Variants in KDM4C observed in about 807,000 individuals in gnomAD.
KDM4C encodes the protein lysine-specific demethylase 4C.
A neutral mutation model predicts 129.3 loss-of-function variants in KDM4C; 81 were observed. The observed-to-expected ratio is 0.63, with a 90% CI of 0.52 to 0.75. The LOEUF is 0.75. Ranked by LOEUF, KDM4C falls within the 30% of genes least tolerant of loss-of-function variation. The pLI is 0.00. For missense variants in KDM4C, 1,457 were observed against 1,304.0 expected (o/e 1.12, Z -1.81); for synonymous variants, 573 against 456.1 (o/e 1.26, Z -3.26).
At chr9:7,034,859 A>G (rs1827361790) in intron 15 of KDM4C, among the ~76,000 whole-genome samples, 1 of 152,212 alleles carries the variant, frequency 6.6e-6, no homozygotes, top group South Asian at 2.1e-4. Context: ...TCATTTAATA[A>G]TACACATTCT....
At chr9:7,086,639 T>C (rs1248072237) in intron 17 of KDM4C, among the ~76,000 whole-genome samples, 1 of 152,314 alleles carries the variant, frequency 6.6e-6, no homozygotes, top group South Asian at 2.1e-4. Context: ...GAGTGTGTTC[T>C]CTGGCCTTTG....
In KDM4C at chr9:6,758,348, C is replaced by G. The variant is rs537036914; in HGVS notation, c.-18+145C>G. On this transcript the variant is annotated intron_variant, in intron 1 of 21. Transcript: ENST00000381309. The surrounding 1 kb of genome is among the most constrained non-coding windows in gnomAD (Gnocchi z 4.6). ...TGGGGCAGAGACGCTCCGTCCGTGA[C>G]TGCAGCGACTGTCAAGCTGGGGAGG... The G allele has an allele frequency of 1.1e-5, 4 of 375,374 alleles. No homozygotes were observed. The East Asian group carries it at 4.9e-4, about 46-fold the overall frequency. The allele number at this position is 375,374 out of a possible 1,614,324, so 23.3% of individuals were successfully genotyped here. A position where few individuals can be genotyped will look rare whatever the true frequency, so the allele number is the denominator to read the frequency against.
At chr9:6,742,750 C>T (rs1035858461) in intron 1 of KDM4C, among the ~76,000 whole-genome samples, 3 of 151,242 alleles carry the variant, frequency 2.0e-5, no homozygotes, top group Non-Finnish European at 4.4e-5. Context: ...ATCTAAGAAT[C>T]GCTTGAACCC....
chr9:6,873,943 AGAG>A (rs1843179495), intron 5 of KDM4C, among the ~76,000 whole-genome samples: 3 of 126,250 alleles, frequency 2.4e-5, no homozygotes, highest in African/African-American at 1.1e-4. Context: ...AGAGAGAGCG[AGAG>A]AGAGAGAGAG....
chr9:6,734,300 T>G (rs1319092774), intron 1 of KDM4C, among the ~76,000 whole-genome samples: 1 of 146,724 alleles, frequency 6.8e-6, no homozygotes, highest in Non-Finnish European at 1.5e-5. Context: ...TTTTTTTTTT[T>G]TTTTTTTTTT....
chr9:6,774,641 G>A (rs1489810691), intron 1 of KDM4C, among the ~76,000 whole-genome samples: 3 of 152,070 alleles, frequency 2.0e-5, no homozygotes, highest in Admixed American at 1.3e-4. Flanking sequence ...CTCCAGCATG[G>A]GTGACAGAGT....
rs1298004930 is a variant in KDM4C, at chr9:7,011,894, TATCATAGTTCCCTTCACTGC to T, written c.1968+16_1968+35del. Reference sequence around the variant, plus strand: ...CGTACCACAAGGTAAAGGAGCCTGCTATCATAGTTCCCTTCACTGCTCTGCCTTCCATGTGACCACATACC... The same window carrying T: ...CGTACCACAAGGTAAAGGAGCCTGCTTCTGCCTTCCATGTGACCACATACC... On this transcript the variant is annotated intron_variant, in intron 13 of 21. Transcript: ENST00000381309. 17 of 1,607,142 alleles carry T rather than the reference TATCATAGTTCCCTTCACTGC, an allele frequency of 1.1e-5. No homozygotes were observed. In the African/African-American group the frequency reaches 2.3e-4, roughly 21 times the overall value.
chr9:6,813,015 A>C (rs1222100240), intron 3 of KDM4C, among the ~76,000 whole-genome samples: 8 of 152,076 alleles, frequency 5.3e-5, no homozygotes, highest in African/African-American at 1.9e-4. Flanking sequence ...GTCTCTACTA[A>C]AAATACAAAA....
At chr9:6,784,621 A>G (rs1825081990) in intron 1 of KDM4C, among the ~76,000 whole-genome samples, 3 of 152,236 alleles carry the variant, frequency 2.0e-5, no homozygotes, top group African/African-American at 2.4e-5. Flanking sequence ...TATCTCCTTG[A>G]GTCTGCTCTT....
At chr9:6,937,141 T>A (rs1288625271) in intron 8 of KDM4C, among the ~76,000 whole-genome samples, 1 of 152,154 alleles carries the variant, frequency 6.6e-6, no homozygotes, top group Non-Finnish European at 1.5e-5. Context: ...TAATTAAAAT[T>A]TTAATATTTA....
intron 5 of KDM4C, among the ~76,000 whole-genome samples, chr9:6,856,180 AAAAAT>A (rs1839778702): frequency 6.6e-6 from 1 of 152,218 alleles, no homozygotes; most frequent in Non-Finnish European, 1.5e-5. Flanking sequence ...TCAAAAAAAA[AAAAAT>A]CTAAGAACAT....
intron 8 of KDM4C, among the ~76,000 whole-genome samples, chr9:6,909,953 G>A (rs188658860): frequency 5.3e-5 from 8 of 152,152 alleles, no homozygotes; most frequent in African/African-American, 1.9e-4. Flanking sequence ...GAATAGAAAA[G>A]TATATGATAG....
At chr9:6,952,262 C>A (rs778490760) in intron 8 of KDM4C, among the ~76,000 whole-genome samples, 7 of 151,848 alleles carry the variant, frequency 4.6e-5, no homozygotes, top group Non-Finnish European at 4.4e-5. Context: ...AGCAAAGCAA[C>A]CTGATGGTAC....
At chr9:6,844,346 C>T (rs1015995340) in intron 4 of KDM4C, among the ~76,000 whole-genome samples, 8 of 152,198 alleles carry the variant, frequency 5.3e-5, no homozygotes, top group Non-Finnish European at 1.0e-4. Context: ...TGACCATTCT[C>T]TAGCCACCCC....
chr9:6,993,757 A>G (rs1819186612), intron 12 of KDM4C, among the ~76,000 whole-genome samples: 1 of 152,042 alleles, frequency 6.6e-6, no homozygotes, highest in African/African-American at 2.4e-5. Flanking sequence ...CTGCGGCAGT[A>G]TTTCTTTCTT....
At position 6,758,847 on chromosome 9, in the gene KDM4C, A is replaced by G. The variant is rs1438478254; in HGVS notation, c.-18+644A>G. Among the ~76,000 whole-genome samples, 2 of 152,218 alleles carry G rather than the reference A, an allele frequency of 1.3e-5. No individual in the cohort carries two copies. Among genetic ancestry groups the G allele is most frequent in the Non-Finnish European group, 2.9e-5 (2 of 68,028 alleles). On this transcript the variant is annotated intron_variant, in intron 1 of 21. Transcript: ENST00000381309. The surrounding 1 kb of genome is among the most constrained non-coding windows in gnomAD (Gnocchi z 4.6). The stretch of plus-strand genomic sequence containing the variant: ...GATTAGGGCGCGTGGACTGCCAGGC[A>G]CAGAACGTGGCGTGGAGTGGGGACG...
chr9:6,906,374 C>T (rs890292823), intron 8 of KDM4C, among the ~76,000 whole-genome samples: 4 of 152,150 alleles, frequency 2.6e-5, no homozygotes, highest in African/African-American at 9.7e-5. Context: ...TTCTCAGCAT[C>T]GTGGTATACC....
In KDM4C at chr9:6,781,856, T is replaced by C. The variant is rs1287344532; in HGVS notation, c.-17-11116T>C. ...TTTTTTTGAGACAGAACCTCACTCTTGTGCCCAGGCTGGCTGGAGTGCAGT... is the reference window on the plus strand; with the variant it reads ...TTTTTTTGAGACAGAACCTCACTCTCGTGCCCAGGCTGGCTGGAGTGCAGT... On this transcript the variant is annotated intron_variant, in intron 1 of 21. Coordinates refer to ENST00000381309, the MANE Select transcript of KDM4C (RefSeq NM_015061.6). 3.3e-5 allele frequency among the ~76,000 whole-genome samples: 5 copies of C among 151,880 alleles called. No homozygotes were observed. In the East Asian group the frequency reaches 7.7e-4, roughly 23 times the overall value.
intron 17 of KDM4C, among the ~76,000 whole-genome samples, chr9:7,090,329 T>A (rs144670587): frequency 7.9e-4 from 121 of 152,274 alleles, no homozygotes; most frequent in African/African-American, 2.7e-3. Flanking sequence ...TCATTTGGGG[T>A]TTTGTAGAAA....
Sources: allele counts gnomAD v4.1 joint callset (sites outside exome capture counted in the v4.1 genomes callset), GRCh38; gene constraint gnomAD v4.1.1; non-coding constraint Gnocchi (gnomAD v3.1); transcripts MANE v1.5; gene names NCBI Gene and HGNC (gene_info 2026-07-23, HGNC 2026-07-21).